SOCS2: variants seen among roughly 807,000 people sequenced by gnomAD.
SOCS2 encodes suppressor of cytokine signaling 2, also known as CIS-2.
In SOCS2, 10 loss-of-function variants were observed where a neutral mutation model predicts 18.6. The ratio of observed to expected loss-of-function variants is 0.54; its 90% confidence interval spans 0.33 to 0.91. SOCS2 has a LOEUF of 0.91. Ranked by LOEUF, SOCS2 falls within the 40% of genes least tolerant of loss-of-function variation. The probability of loss-of-function intolerance (pLI) is 0.02; values close to 1 mark genes in which losing one functional copy is unlikely to be tolerated. For missense variants in SOCS2, 231 were observed against 247.2 expected, an observed-to-expected ratio of 0.93 and a Z score of 0.44; for synonymous variants, 104 against 104.0, an observed-to-expected ratio of 1.00 and a Z score of 0.00.
the SOCS2 span, among the ~76,000 whole-genome samples, chr12:93,611,500 G>A: frequency 1.5e-4 from 23 of 152,296 alleles, no homozygotes; most frequent in African/African-American, 5.5e-4. Context: ...GCCTCCCAAA[G>A]TGCTGGAATT....
the SOCS2 span, among the ~76,000 whole-genome samples, chr12:93,610,716 A>T: frequency 3.9e-5 from 6 of 152,112 alleles, no homozygotes; most frequent in Non-Finnish European, 8.8e-5. Flanking sequence ...CACAGTGTTC[A>T]TCCGTTTTCT....
the SOCS2 span, among the ~76,000 whole-genome samples, chr12:93,606,600 A>T: frequency 6.6e-6 from 1 of 152,082 alleles, no homozygotes; most frequent in African/African-American, 2.4e-5. Context: ...TAAAACAATT[A>T]TCCAGCAAGG....
the SOCS2 span, among the ~76,000 whole-genome samples, chr12:93,622,258 A>ATGATGTCAG: frequency 1.3e-5 from 2 of 152,142 alleles, no homozygotes; most frequent in African/African-American, 4.8e-5. Context: ...TTCTGTGGGG[A>ATGATGTCAG]TGATGTCAGT....
chr12:93,615,110 C>G, the SOCS2 span, among the ~76,000 whole-genome samples: 1 of 152,170 alleles, frequency 6.6e-6, no homozygotes, highest in African/African-American at 2.4e-5. Flanking sequence ...CTCTCCCCCA[C>G]TGGGATAGGT....
At chr12:93,595,310 A>T in the SOCS2 span, among the ~76,000 whole-genome samples, 1 of 152,086 alleles carries the variant, frequency 6.6e-6, no homozygotes, top group Admixed American at 6.6e-5. Flanking sequence ...ACATTTTAGA[A>T]TTTTTTCCCC....
chr12:93,612,145 C>T, the SOCS2 span, among the ~76,000 whole-genome samples: 2 of 152,276 alleles, frequency 1.3e-5, no homozygotes, highest in South Asian at 2.1e-4. Context: ...AAGGATGTAT[C>T]TAAACTGCTA....
downstream of SOCS2, among the ~76,000 whole-genome samples, chr12:93,585,740 G>A (rs974704601): frequency 1.3e-5 from 2 of 152,112 alleles, no homozygotes; most frequent in African/African-American, 4.8e-5. Context: ...CAAAAGGAAA[G>A]ATCTCAAGCC....
At chr12:93,614,492 C>CTTCT in the SOCS2 span, among the ~76,000 whole-genome samples, 85 of 35,524 alleles carry the variant, frequency 2.4e-3, 5 homozygotes, top group East Asian at 4.0e-3. Context: ...TCCTTCCTTC[C>CTTCT]TTCCTTCCTT....
chr12:93,572,904 C>G lies in SOCS2; in HGVS notation c.7C>G (p.Leu3Val). 1.3e-6 allele frequency: 2 copies of G among 1,577,284 alleles called. No individual in the cohort carries two copies. Among genetic ancestry groups the G allele is most frequent in the Non-Finnish European group, 1.7e-6 (2 of 1,160,958 alleles). The change falls in exon 1 of 2, where the codon CTG becomes GTG. Residue 3 changes from leucine to valine, a missense_variant. Coordinates refer to ENST00000551556, the MANE Select transcript of SOCS2 (RefSeq NM_001270471.2). The surrounding 1 kb of genome is among the most constrained non-coding windows in gnomAD (Gnocchi z 5.0). The part of the protein sequence containing the change: MT[L>V]RCLEPSGNGG... ...CCGCGGTGACCCTTCTCTCATGACC[C>G]TGCGGTGCCTTGAGCCCTCCGGGAA... is the stretch of plus-strand genomic sequence containing the variant.
At chr12:93,573,341 C>A (rs558094788) in intron 1 of SOCS2, 12 of 498,150 alleles carry the variant, frequency 2.4e-5, no homozygotes, top group African/African-American at 2.4e-4. Flanking sequence ...CGGGCTCGAA[C>A]CCCGGCCGGG....
chr12:93,604,536 A>G, the SOCS2 span, among the ~76,000 whole-genome samples: 2 of 152,084 alleles, frequency 1.3e-5, no homozygotes, highest in Non-Finnish European at 2.9e-5. Flanking sequence ...ATGTTTTAAG[A>G]AAAAAAACTG....
the SOCS2 span, among the ~76,000 whole-genome samples, chr12:93,611,672 G>A: frequency 6.6e-6 from 1 of 152,144 alleles, no homozygotes; most frequent in African/African-American, 2.4e-5. Flanking sequence ...ATTATTGGCA[G>A]CCCCAGGAGT....
the SOCS2 span, among the ~76,000 whole-genome samples, chr12:93,618,764 C>A: frequency 6.6e-6 from 1 of 151,892 alleles, no homozygotes; most frequent in Non-Finnish European, 1.5e-5. Flanking sequence ...TCACTGTATC[C>A]AAAGCTATTA....
the SOCS2 span, among the ~76,000 whole-genome samples, chr12:93,608,694 C>T: frequency 1.3e-4 from 20 of 152,220 alleles, no homozygotes; most frequent in Admixed American, 3.9e-4. Context: ...TCTGACAATG[C>T]GATGTCTTAT....
chr12:93,614,547 CTTTCTTTCTTTCTTTCTTTCT>C, the SOCS2 span, among the ~76,000 whole-genome samples: 2 of 25,572 alleles, frequency 7.8e-5, no homozygotes, highest in African/African-American at 2.5e-4. Flanking sequence ...TTCCTTCTTT[CTTTCTTTCTTTCTTTCTTTCT>C]TTCTTTCTTT....
the SOCS2 span, among the ~76,000 whole-genome samples, chr12:93,616,541 G>T: frequency 6.6e-6 from 1 of 152,184 alleles, no homozygotes; most frequent in Non-Finnish European, 1.5e-5. Flanking sequence ...CTAGAAGCAG[G>T]CTTCTTAACT....
chr12:93,599,764 G>C, the SOCS2 span, among the ~76,000 whole-genome samples: 1 of 152,150 alleles, frequency 6.6e-6, no homozygotes, highest in Non-Finnish European at 1.5e-5. Flanking sequence ...GCTTTCTCTT[G>C]CTCTCTTGCA....
downstream of SOCS2, among the ~76,000 whole-genome samples, chr12:93,584,728 G>T (rs11107116): frequency 0.18 from 27,487 of 151,884 alleles, 2,842 homozygotes; most frequent in East Asian, 0.3. Context: ...ATCCAGCTTG[G>T]AAGAGTCCCT....
At chr12:93,572,390 T>G, upstream of SOCS2, 1 of 332,234 alleles carries the variant, frequency 3.0e-6, no homozygotes. This position sits in a 1 kb window ranked among gnomAD's most constrained non-coding sequence, Gnocchi z 5.0. Context: ...CTATTTGCTC[T>G]TCCTAGGTCG....
Sources: gnomAD v4.1 joint callset for allele counts (sites outside exome capture counted in the v4.1 genomes callset) on GRCh38, gnomAD v4.1.1 for gene constraint, Gnocchi (gnomAD v3.1) non-coding constraint, MANE v1.5 for transcripts, NCBI Gene and HGNC (gene_info 2026-07-23, HGNC 2026-07-21) for gene names.